The following SCAF11 variants were observed in gnomAD, a reference collection of about 807,000 sequenced individuals.
SCAF11 encodes the protein SR-related CTD associated factor 11.
SCAF11 carries 47 observed loss-of-function variants against 140.5 expected under a neutral mutation model. The observed-to-expected ratio is 0.33, with a 90% CI of 0.26 to 0.43. The LOEUF is 0.43. Among genes scored for constraint, SCAF11 ranks in the 20% least tolerant of loss-of-function variants. The probability of loss-of-function intolerance (pLI) is 1.00; values close to 1 mark genes in which losing one functional copy is unlikely to be tolerated. For missense variants in SCAF11, 1,645 were observed against 1,705.1 expected, an observed-to-expected ratio of 0.96 and a Z score of 0.62; for synonymous variants, 557 against 579.4, an observed-to-expected ratio of 0.96 and a Z score of 0.55.
chr12:45,943,388 C>G (rs1945349615), intron 6 of SCAF11, among the ~76,000 whole-genome samples: 1 of 152,108 alleles, frequency 6.6e-6, no homozygotes, highest in Non-Finnish European at 1.5e-5. Context: ...ACCTTCATCA[C>G]AAGAAGAGTA....
rs150291462 is a variant in SCAF11 at position 45,966,245 on chromosome 12, A to C, written c.-21-2057T>G. ...GAACAGAAAGCTTAAGAACATTAGC[A>C]ATTATCTTCAAATAAAATGAACTGT... On this transcript the variant is annotated intron_variant, in intron 1 of 14. Transcript: ENST00000369367. Among the ~76,000 whole-genome samples, 58 of 152,288 alleles carry C rather than the reference A, an allele frequency of 3.8e-4. 1 individual carries two copies. In the East Asian group the frequency reaches 7.3e-3, roughly 19 times the overall value.
Position 45,923,143 on chromosome 12 carries a change from A to G in SCAF11, c.3918T>C (p.Ser1306=), listed in dbSNP as rs1289757919. The G allele has an allele frequency of 3.1e-6, 5 of 1,613,446 alleles. No individual in the cohort carries two copies. Among genetic ancestry groups the G allele is most frequent in the Non-Finnish European group, 3.4e-6 (4 of 1,179,476 alleles). The change falls in exon 13 of 15, where the codon AGT becomes AGC. Residue 1306 remains serine, a synonymous_variant. Transcript: ENST00000369367. ...TCATGTTATTACTTACATGAGAAGA[A>G]CTAGGAATACCCTGTTTTAAAGAGT... ...PDGKQLQGIP[S]SSHVSNNMST... is the part of the protein sequence containing the mutation.
intron 11 of SCAF11, 82 bp from the exon 12 acceptor site, chr12:45,925,156 T>A: frequency 9.6e-7 from 1 of 1,037,264 alleles, no homozygotes; most frequent in Non-Finnish European, 1.4e-6. Context: ...CTGGTTACAG[T>A]AAAATTAAAT....
At chr12:45,959,180 A>C (rs1003416479) in intron 3 of SCAF11, among the ~76,000 whole-genome samples, 1 of 152,044 alleles carries the variant, frequency 6.6e-6, no homozygotes, top group African/African-American at 2.4e-5. Flanking sequence ...GTGGCACAAG[A>C]ATCGCTTGGC....
chr12:45,964,070 C>T (rs1380248611), intron 2 of SCAF11, 37 bp downstream of exon 2: 2 of 1,103,968 alleles, frequency 1.8e-6, no homozygotes, highest in Non-Finnish European at 2.7e-6. Context: ...AACTGTTTTG[C>T]TTTCAACAAA....
At chr12:45,941,825 T>C (rs1252455530) in intron 6 of SCAF11, among the ~76,000 whole-genome samples, 1 of 152,200 alleles carries the variant, frequency 6.6e-6, no homozygotes, top group Non-Finnish European at 1.5e-5. Flanking sequence ...TTGAACTCCA[T>C]GGGTCTGCTT....
intron 1 of SCAF11, among the ~76,000 whole-genome samples, chr12:45,983,569 A>C (rs1419443523): frequency 1.3e-5 from 2 of 152,168 alleles, no homozygotes; most frequent in Non-Finnish European, 2.9e-5. Context: ...AAGCTAACTT[A>C]AGAGTATGAA....
intron 5 of SCAF11, 129 bp downstream of exon 5, chr12:45,948,308 A>G: frequency 1.6e-6 from 1 of 621,294 alleles, no homozygotes. Flanking sequence ...TCCTTAAATT[A>G]TCAAGTGTGT....
intron 6 of SCAF11, 101 bp from the exon 7 acceptor site, chr12:45,934,606 C>T (rs115285909): frequency 4.2e-5 from 27 of 646,038 alleles, no homozygotes; most frequent in East Asian, 2.4e-4. Flanking sequence ...GGTTGAAATA[C>T]GTAGAAAAGC....
chr12:45,986,058 T>TA (rs1193492103), intron 1 of SCAF11, among the ~76,000 whole-genome samples: 1 of 152,188 alleles, frequency 6.6e-6, no homozygotes, highest in Non-Finnish European at 1.5e-5. Flanking sequence ...TTTTAAATGT[T>TA]AGAGGTCATT....
At chr12:45,972,115 A>G (rs1946086795) in intron 1 of SCAF11, among the ~76,000 whole-genome samples, 1 of 152,202 alleles carries the variant, frequency 6.6e-6, no homozygotes, top group Non-Finnish European at 1.5e-5. Context: ...ACTGAAATAT[A>G]AGATAAACCT....
intron 6 of SCAF11, chr12:45,935,156 A>G (rs1255264203): frequency 2.6e-5 from 4 of 152,244 alleles, no homozygotes; most frequent in African/African-American, 9.7e-5. Flanking sequence ...CTTGCCTCAC[A>G]AAGGGCCTAT....
rs746547093 is a variant in SCAF11 at position 45,919,703 on chromosome 12, A to T, written c.*2345T>A. The T allele has an allele frequency of 6.6e-6, 1 of 152,238 alleles. No individual in the cohort carries two copies. The highest frequency in any genetic ancestry group is 1.5e-5 in the Non-Finnish European group (1 of 68,038). The allele number at this position is 152,238 out of a possible 1,614,324, so 9.4% of individuals were successfully genotyped here. A position where few individuals can be genotyped will look rare whatever the true frequency, so the allele number is the denominator to read the frequency against. ...TTCGAATTCTAATCAAGTAGCTATT[A>T]ATGCAGTCTAACCAGTGCCCCAAAT... On this transcript the variant is annotated 3_prime_UTR_variant, in exon 15 of 15. Transcript: ENST00000369367.
At chr12:45,958,840 G>C (rs1340713863) in intron 3 of SCAF11, among the ~76,000 whole-genome samples, 1 of 152,078 alleles carries the variant, frequency 6.6e-6, no homozygotes, top group Non-Finnish European at 1.5e-5. Context: ...AATAACCACA[G>C]AACCAAAATT....
intron 9 of SCAF11, 26 bp from the exon 10 acceptor site, chr12:45,931,638 G>C (rs540048638): frequency 3.3e-6 from 4 of 1,205,050 alleles, no homozygotes; most frequent in Non-Finnish European, 4.6e-6. Flanking sequence ...AGACATTTTT[G>C]TTTAAATGGT....
At chr12:45,980,231 A>G (rs181027680) in intron 1 of SCAF11, among the ~76,000 whole-genome samples, 497 of 152,336 alleles carry the variant, frequency 3.3e-3, no homozygotes, top group African/African-American at 0.011. Context: ...ATGAGTATTC[A>G]AACAACAAGA....
At chr12:45,968,363 A>T (rs1226006341) in intron 1 of SCAF11, among the ~76,000 whole-genome samples, 2 of 152,148 alleles carry the variant, frequency 1.3e-5, no homozygotes, top group African/African-American at 4.8e-5. Context: ...TAATATAATG[A>T]TCTAACATAC....
chr12:45,937,995 A>T (rs1255237538), intron 6 of SCAF11, among the ~76,000 whole-genome samples: 1 of 152,098 alleles, frequency 6.6e-6, no homozygotes, highest in East Asian at 1.9e-4. Context: ...TCCAAACTCA[A>T]CTTGCTAAGG....
chr12:45,964,523 C>T (rs1945897892), intron 1 of SCAF11, among the ~76,000 whole-genome samples: 1 of 151,910 alleles, frequency 6.6e-6, no homozygotes, highest in Non-Finnish European at 1.5e-5. Flanking sequence ...AAAAATTAGC[C>T]GGGCGTGGTG....
Sources: gnomAD v4.1 joint callset for allele counts (sites outside exome capture counted in the v4.1 genomes callset) on GRCh38, gnomAD v4.1.1 for gene constraint, MANE v1.5 for transcripts, NCBI Gene and HGNC (gene_info 2026-07-23, HGNC 2026-07-21) for gene names.